Variants in CSMD1 observed in about 807,000 individuals in gnomAD.
CSMD1 encodes the protein CUB and sushi domain-containing protein 1.
CSMD1 carries 213 observed loss-of-function variants against 417.5 expected under a neutral mutation model. The observed-to-expected ratio is 0.51, with a 90% CI of 0.46 to 0.57. The LOEUF (loss-of-function observed/expected upper bound fraction) is 0.57, where lower values mean the gene tolerates loss of function less well. Among genes scored for constraint, CSMD1 ranks in the 20% least tolerant of loss-of-function variants. CSMD1 has a pLI of 0.00. For synonymous variants in CSMD1, 2,862 were observed against 1,736.8 expected, an observed-to-expected ratio of 1.65 and a Z score of -16.11; for missense variants, 6,923 against 4,529.7, an observed-to-expected ratio of 1.53 and a Z score of -15.17.
At chr8:2,954,335 G>A in intron 64 of CSMD1, 67 bp from the exon 65 acceptor site, 1 of 994,500 alleles carries the variant, frequency 1.0e-6, no homozygotes, top group Non-Finnish European at 1.5e-6. Flanking sequence ...TTGAAAAAAT[G>A]TCAAATTGAA....
chr8:3,029,244 GC>G, intron 51 of CSMD1, 74 bp downstream of exon 51: 1 of 1,225,540 alleles, frequency 8.2e-7, no homozygotes, highest in Non-Finnish European at 1.1e-6. Flanking sequence ...CACTAGAGAA[GC>G]TCACCACTGA....
intron 23 of CSMD1, among the ~76,000 whole-genome samples, chr8:3,339,271 T>C (rs77871871): frequency 6.6e-6 from 1 of 152,086 alleles, no homozygotes; most frequent in African/African-American, 2.4e-5. Context: ...CCATCTGTAA[T>C]TCCTCATCCA....
At chr8:3,110,646 A>G (rs1408833476) in intron 42 of CSMD1, among the ~76,000 whole-genome samples, 1 of 152,188 alleles carries the variant, frequency 6.6e-6, no homozygotes, top group Admixed American at 6.5e-5. Context: ...CCTGCTGATA[A>G]CCCATCTGAG....
At chr8:4,103,267 A>ATATATC (rs1037343529) in intron 3 of CSMD1, among the ~76,000 whole-genome samples, 3 of 150,946 alleles carry the variant, frequency 2.0e-5, no homozygotes, top group Admixed American at 6.6e-5. Flanking sequence ...TACATACATT[A>ATATATC]TATATATCAT....
intron 10 of CSMD1, among the ~76,000 whole-genome samples, chr8:3,564,833 T>G (rs1439577418): frequency 6.6e-6 from 1 of 151,608 alleles, no homozygotes; most frequent in Admixed American, 6.6e-5. Context: ...AAACTCAGTT[T>G]ATGAAAAAAG....
intron 1 of CSMD1, chr8:4,787,664 G>C (rs893844199): frequency 1.3e-6 from 2 of 1,587,808 alleles, no homozygotes; most frequent in Non-Finnish European, 1.7e-6. Flanking sequence ...TGTCAAGGAA[G>C]GATATAAGTT....
At chr8:4,885,773 G>T (rs906479659) in intron 1 of CSMD1, among the ~76,000 whole-genome samples, 1 of 151,628 alleles carries the variant, frequency 6.6e-6, no homozygotes, top group East Asian at 1.9e-4. Flanking sequence ...TTTCCTGATG[G>T]TTTCCTTTCA....
rs772583508 is a variant in CSMD1 at position 3,369,259 on chromosome 8, C to A, written c.2894G>T (p.Gly965Val). Residue 965 changes from glycine (G) to valine (V), a missense_variant, in exon 19 of 70, where the codon GGG (glycine) becomes GTG (valine). Transcript: ENST00000635120. ...GACCTATGATAGATTCTTACCTTTC[C>A]CATGAGACACTTCAATGGTCCACGT... ...NCTWTIEVSH[G>V]KGVQMIFHTF... The A allele has an allele frequency of 2.0e-6, 3 of 1,507,030 alleles. No individual in the cohort carries two copies. The highest frequency in any genetic ancestry group is 2.8e-6 in the Non-Finnish European group (3 of 1,084,050). 93.4% of individuals were successfully genotyped at this position (1,507,030 alleles called of 1,614,324 possible).
intron 10 of CSMD1, among the ~76,000 whole-genome samples, chr8:3,565,170 CAAGA>C (rs71203446): frequency 0.47 from 40,561 of 85,462 alleles, 7,476 homozygotes; most frequent in Middle Eastern, 0.56. Flanking sequence ...AGAGAGAGAT[CAAGA>C]AAGAAAGAAA....
At chr8:4,316,634 G>C (rs1453461609) in intron 3 of CSMD1, among the ~76,000 whole-genome samples, 2 of 152,004 alleles carry the variant, frequency 1.3e-5, no homozygotes, top group Admixed American at 6.6e-5. Flanking sequence ...GAAGGTGAAC[G>C]ACAATGGGGT....
chr8:2,963,261 C>T lies in CSMD1; in HGVS notation c.9415G>A (p.Gly3139Ser), dbSNP rs1803661508. ...ATCTCTCCTTTCCACACCCCGCGAC[C>T]TTCACAGGAGAGGATGGCGGAGTGA... ...LSHSAILSCE[G>S]RGVWKGEIPQ... is the part of the protein sequence containing the mutation. The change falls in exon 60 of 70, where the codon GGT (glycine) becomes AGT (serine). Residue 3139 changes from glycine to serine, a missense_variant. Coordinates refer to ENST00000635120, the MANE Select transcript of CSMD1 (RefSeq NM_033225.6). 6.2e-7 allele frequency: 1 copy of T among 1,613,970 alleles called. No homozygotes were observed. The highest frequency in any genetic ancestry group is 1.3e-5 in the African/African-American group (1 of 75,034).
At chr8:3,953,300 CATAAA>C (rs751539292) in intron 5 of CSMD1, among the ~76,000 whole-genome samples, 49 of 152,166 alleles carry the variant, frequency 3.2e-4, no homozygotes, top group East Asian at 3.1e-3. Context: ...GAAATTCTCT[CATAAA>C]ATAAAAGATT....
At chr8:4,866,035 A>C (rs1458426702) in intron 1 of CSMD1, among the ~76,000 whole-genome samples, 2 of 151,932 alleles carry the variant, frequency 1.3e-5, no homozygotes, top group Non-Finnish European at 2.9e-5. Context: ...ATGTCATATT[A>C]AGTCTCTCAG....
chr8:4,023,834 G>A (rs1430021996), intron 4 of CSMD1, among the ~76,000 whole-genome samples: 5 of 135,150 alleles, frequency 3.7e-5, no homozygotes, highest in Admixed American at 8.6e-5. Context: ...AGCCAGGATG[G>A]CCTCGATCTC....
At position 4,225,492 on chromosome 8, in the gene CSMD1, G is replaced by T. The variant is rs143651650; in HGVS notation, c.416-193393C>A. Among the ~76,000 whole-genome samples the T allele has an allele frequency of 1.1e-3, 149 of 141,120 alleles. 3 individuals are homozygous for T. In the East Asian group the frequency reaches 0.027, roughly 26 times the overall value. 92.6% of individuals were successfully genotyped at this position (141,120 alleles called of 152,430 possible). On this transcript the variant is annotated intron_variant, in intron 3 of 69. Transcript: ENST00000635120. ...ACAAAATGCTTCAAGTTTATATAAA[G>T]CAACTCATCACTTTTTTTTTTTTTT...
intron 25 of CSMD1, among the ~76,000 whole-genome samples, chr8:3,287,408 A>C (rs1195017832): frequency 3.3e-5 from 5 of 152,062 alleles, no homozygotes; most frequent in Non-Finnish European, 5.9e-5. Context: ...GGCCATTTTC[A>C]CAATATTGAT....
chr8:3,234,127 G>A (rs766095756), intron 26 of CSMD1, among the ~76,000 whole-genome samples: 8 of 152,176 alleles, frequency 5.3e-5, no homozygotes, highest in Non-Finnish European at 8.8e-5. Flanking sequence ...GACTCTGAGA[G>A]TGGAAGCTCC....
chr8:3,118,338 T>A, intron 42 of CSMD1, 61 bp downstream of exon 42: 1 of 1,147,432 alleles, frequency 8.7e-7, no homozygotes, highest in Non-Finnish European at 1.3e-6. Flanking sequence ...TCATTTAATA[T>A]TTAATGTGCT....
intron 3 of CSMD1, among the ~76,000 whole-genome samples, chr8:4,410,962 T>A (rs776340239): frequency 6.6e-6 from 1 of 152,186 alleles, no homozygotes; most frequent in African/African-American, 2.4e-5. Flanking sequence ...AGGTTAGTTA[T>A]TGAAACAGTG....
Sources: allele counts gnomAD v4.1 joint callset (sites outside exome capture counted in the v4.1 genomes callset), GRCh38; gene constraint gnomAD v4.1.1; transcripts MANE v1.5; gene names NCBI Gene and HGNC (gene_info 2026-07-23, HGNC 2026-07-21).